CNTN5: variants seen among roughly 807,000 people sequenced by gnomAD.
The protein encoded by CNTN5 is contactin-5.
A neutral mutation model predicts 129.1 loss-of-function variants in CNTN5; 77 were observed. That is an observed-to-expected ratio of 0.60 (90% CI 0.50 to 0.72). CNTN5 has a LOEUF of 0.72. Ranked by LOEUF, CNTN5 falls within the 30% of genes least tolerant of loss-of-function variation. The pLI is 0.00. For missense variants in CNTN5, 1,478 were observed against 1,328.8 expected (o/e 1.11, Z -1.75); for synonymous variants, 509 against 465.6 (o/e 1.09, Z -1.20).
chr11:99,919,754 C>A (rs373307817), intron 7 of CNTN5, among the ~76,000 whole-genome samples: 1 of 151,948 alleles, frequency 6.6e-6, no homozygotes, highest in Non-Finnish European at 1.5e-5. Flanking sequence ...TGTCCCTAGG[C>A]AATTTTTGCT....
chr11:99,186,663 A>G (rs1407047650), intron 1 of CNTN5, among the ~76,000 whole-genome samples: 1 of 151,994 alleles, frequency 6.6e-6, no homozygotes, highest in Admixed American at 6.6e-5. Flanking sequence ...GCTTTTCAGT[A>G]CCCACATTCT....
intron 13 of CNTN5, among the ~76,000 whole-genome samples, chr11:100,137,240 A>G (rs1328183754): frequency 6.6e-6 from 1 of 152,110 alleles, no homozygotes; most frequent in Non-Finnish European, 1.5e-5. Flanking sequence ...TATCAATTTT[A>G]ATATTCAGGC....
chr11:99,598,757 T>G (rs963027282), intron 3 of CNTN5, among the ~76,000 whole-genome samples: 3 of 152,066 alleles, frequency 2.0e-5, no homozygotes, highest in Non-Finnish European at 4.4e-5. Flanking sequence ...ACATTATATT[T>G]GGCCATAAAC....
chr11:99,058,648 C>T (rs917421999), intron 1 of CNTN5, among the ~76,000 whole-genome samples: 4 of 151,886 alleles, frequency 2.6e-5, no homozygotes, highest in African/African-American at 9.7e-5. Flanking sequence ...GTCTGCTCTT[C>T]CCACAGTTCC....
At chr11:99,165,028 T>C (rs1046555626) in intron 1 of CNTN5, among the ~76,000 whole-genome samples, 28 of 152,332 alleles carry the variant, frequency 1.8e-4, no homozygotes, top group Non-Finnish European at 4.0e-4. Flanking sequence ...CAATTTTTTT[T>C]TAGTTGTTGG....
At chr11:99,611,096 A>G (rs1163826165) in intron 3 of CNTN5, among the ~76,000 whole-genome samples, 1 of 152,194 alleles carries the variant, frequency 6.6e-6, no homozygotes, top group Non-Finnish European at 1.5e-5. Context: ...ATGATTTCAA[A>G]CTTTATTTTC....
chr11:99,922,515 G>A (rs1020486652), intron 7 of CNTN5, among the ~76,000 whole-genome samples: 6 of 152,150 alleles, frequency 3.9e-5, no homozygotes, highest in East Asian at 1.9e-4. Context: ...AACCTGATAC[G>A]TGCTAGAAAT....
intron 16 of CNTN5, among the ~76,000 whole-genome samples, chr11:100,231,983 G>C (rs1001359074): frequency 1.3e-5 from 2 of 151,940 alleles, no homozygotes; most frequent in Non-Finnish European, 2.9e-5. Flanking sequence ...GGGAAACCCT[G>C]TCTTTACTAA....
intron 1 of CNTN5, among the ~76,000 whole-genome samples, chr11:99,080,999 T>TTTTTC (rs1365332896): frequency 3.3e-5 from 5 of 150,886 alleles, no homozygotes; most frequent in African/African-American, 9.8e-5. Context: ...TTTTTTTTTT[T>TTTTTC]CAGAAGAACA....
chr11:99,307,563 T>C (rs1864930536), intron 1 of CNTN5, among the ~76,000 whole-genome samples: 1 of 152,218 alleles, frequency 6.6e-6, no homozygotes, highest in Non-Finnish European at 1.5e-5. Context: ...CTGAAATTAA[T>C]GTAACAGTCT....
intron 1 of CNTN5, among the ~76,000 whole-genome samples, chr11:99,090,718 CCAGAAAAAAAAAAAAAAAAAA>C (rs1866205471): frequency 7.2e-6 from 1 of 138,464 alleles, no homozygotes. Context: ...ATTGTGCTCA[CCAGAAAAAAAAAAAAAAAAAA>C]CGGCCGGGCG....
rs527324800 is a variant in CNTN5 at position 99,714,785 on chromosome 11, T to C, written c.56-104759T>C. ...TGAAAAGGGATTATCATTTGTTTGA[T>C]GGAAATATAATTATACATACTATTA... On this transcript the variant is annotated intron_variant, in intron 3 of 24. Transcript: ENST00000524871. Among the ~76,000 whole-genome samples the C allele has an allele frequency of 2.0e-5, 3 of 151,686 alleles. No individual in the cohort carries two copies. The East Asian group carries it at 5.9e-4, about 30-fold the overall frequency.
chr11:100,296,371 T>C (rs1353144090), intron 18 of CNTN5, among the ~76,000 whole-genome samples: 1 of 151,442 alleles, frequency 6.6e-6, no homozygotes, highest in African/African-American at 2.4e-5. Flanking sequence ...TTCCATGTGA[T>C]TTCTTGAATG....
intron 9 of CNTN5, among the ~76,000 whole-genome samples, chr11:100,044,337 A>G (rs1411101921): frequency 6.6e-6 from 1 of 152,112 alleles, no homozygotes; most frequent in African/African-American, 2.4e-5. Context: ...TCCTGTAGGT[A>G]GATACCCAGC....
At chr11:99,703,160 T>A (rs1478997931) in intron 3 of CNTN5, among the ~76,000 whole-genome samples, 1 of 147,282 alleles carries the variant, frequency 6.8e-6, no homozygotes, top group African/African-American at 2.5e-5. Context: ...TCTTTGAGTT[T>A]TGATTTTTAA....
intron 6 of CNTN5, among the ~76,000 whole-genome samples, chr11:99,861,385 T>C (rs1344662186): frequency 6.6e-6 from 1 of 152,208 alleles, no homozygotes; most frequent in East Asian, 1.9e-4. Context: ...TCTTAAAATC[T>C]ATTCAACAGT....
At chr11:100,014,743 T>G (rs554961340) in intron 9 of CNTN5, among the ~76,000 whole-genome samples, 1 of 152,156 alleles carries the variant, frequency 6.6e-6, no homozygotes, top group Non-Finnish European at 1.5e-5. Context: ...GGTTTCCAAA[T>G]CACTCCTATC....
chr11:99,949,188 C>T (rs149679042), intron 7 of CNTN5, among the ~76,000 whole-genome samples: 1 of 152,130 alleles, frequency 6.6e-6, no homozygotes, highest in Non-Finnish European at 1.5e-5. Context: ...TCTTCACTGA[C>T]TCTATTTCTA....
intron 3 of CNTN5, among the ~76,000 whole-genome samples, chr11:99,686,456 G>C (rs1314380776): frequency 6.6e-6 from 1 of 151,542 alleles, no homozygotes; most frequent in Non-Finnish European, 1.5e-5. Context: ...TCTTGAATTT[G>C]CTCTTTTAAG....
Sources: gnomAD v4.1 joint callset for allele counts (sites outside exome capture counted in the v4.1 genomes callset) on GRCh38, gnomAD v4.1.1 for gene constraint, MANE v1.5 for transcripts, NCBI Gene and HGNC (gene_info 2026-07-23, HGNC 2026-07-21) for gene names.